Variants in ST6GALNAC3 observed in about 807,000 individuals in gnomAD.
The protein encoded by ST6GALNAC3 is alpha-N-acetylgalactosaminide alpha-2,6-sialyltransferase 3.
In ST6GALNAC3, 25 loss-of-function variants were observed where a neutral mutation model predicts 32.7. The observed-to-expected ratio is 0.76, with a 90% CI of 0.56 to 1.07. The LOEUF (loss-of-function observed/expected upper bound fraction) is 1.07. Among genes scored for constraint, ST6GALNAC3 ranks in the 50% least tolerant of loss-of-function variants. The probability of loss-of-function intolerance (pLI) is 0.00; values close to 1 mark genes in which losing one functional copy is unlikely to be tolerated. For synonymous variants in ST6GALNAC3, 129 were observed against 133.1 expected (o/e 0.97, Z 0.21); for missense variants, 355 against 382.4 (o/e 0.93, Z 0.60).
intron 3 of ST6GALNAC3, among the ~76,000 whole-genome samples, chr1:76,418,894 A>T (rs1213934997): frequency 6.6e-6 from 1 of 151,994 alleles, no homozygotes; most frequent in African/African-American, 2.4e-5. Flanking sequence ...GACCTACATT[A>T]GGCCTCCTCT....
At chr1:76,083,532 G>A (rs1214690145) in intron 1 of ST6GALNAC3, among the ~76,000 whole-genome samples, 1 of 152,206 alleles carries the variant, frequency 6.6e-6, no homozygotes, top group Non-Finnish European at 1.5e-5. Context: ...GTCCCATCCT[G>A]GCTTTGTGAT....
At chr1:76,514,143 C>CTT (rs1303644359) in intron 3 of ST6GALNAC3, among the ~76,000 whole-genome samples, 1 of 152,022 alleles carries the variant, frequency 6.6e-6, no homozygotes, top group Non-Finnish European at 1.5e-5. Flanking sequence ...AATTGCATGC[C>CTT]TTTTATTTCT....
rs539094686 is a variant in ST6GALNAC3 at position 76,283,691 on chromosome 1, T to C, written c.19-30114T>C. On this transcript the variant is annotated intron_variant, in intron 1 of 4. Transcript: ENST00000328299. ...ATCAGATTACTTTTCTATGCAACAA[T>C]GCTCTGTTTTTCCTAAGTTTCCTAT... Among the ~76,000 whole-genome samples the C allele has an allele frequency of 7.2e-5, 11 of 152,360 alleles. No individual in the cohort carries two copies. In the South Asian group the frequency reaches 2.1e-3, roughly 29 times the overall value.
At chr1:76,486,421 A>G (rs545679949) in intron 3 of ST6GALNAC3, among the ~76,000 whole-genome samples, 19 of 152,298 alleles carry the variant, frequency 1.2e-4, no homozygotes, top group African/African-American at 4.6e-4. Context: ...TATTGGGTGC[A>G]TATATATTTA....
intron 1 of ST6GALNAC3, among the ~76,000 whole-genome samples, chr1:76,202,268 A>ATGTGTGTGTG (rs58107501): frequency 0.018 from 2,551 of 145,398 alleles, 24 homozygotes; most frequent in African/African-American, 0.037. Flanking sequence ...GTGTGCATGC[A>ATGTGTGTGTG]TGTGTGTGTG....
intron 1 of ST6GALNAC3, among the ~76,000 whole-genome samples, chr1:76,088,444 A>T (rs576999833): frequency 1.3e-5 from 2 of 152,222 alleles, no homozygotes; most frequent in African/African-American, 4.8e-5. Flanking sequence ...TAAAAAATGT[A>T]TTTGAAGAAT....
chr1:76,209,415 G>T (rs1330910029), intron 1 of ST6GALNAC3, among the ~76,000 whole-genome samples: 1 of 152,200 alleles, frequency 6.6e-6, no homozygotes, highest in African/African-American at 2.4e-5. Context: ...GGCCAAGGGT[G>T]TACTGAATGC....
At chr1:76,252,184 ATGT>A (rs1657658843) in intron 1 of ST6GALNAC3, among the ~76,000 whole-genome samples, 1 of 152,036 alleles carries the variant, frequency 6.6e-6, no homozygotes, top group South Asian at 2.1e-4. Flanking sequence ...CCTGTATACG[ATGT>A]TCGTTTGGAT....
intron 3 of ST6GALNAC3, among the ~76,000 whole-genome samples, chr1:76,473,053 A>G (rs1659135669): frequency 6.6e-6 from 1 of 152,116 alleles, no homozygotes; most frequent in African/African-American, 2.4e-5. Context: ...TCTAAGGCTG[A>G]GGCTAAAGTG....
At chr1:76,168,884 A>G (rs941383438) in intron 1 of ST6GALNAC3, among the ~76,000 whole-genome samples, 1 of 152,038 alleles carries the variant, frequency 6.6e-6, no homozygotes, top group East Asian at 1.9e-4. Flanking sequence ...CAGCATATCA[A>G]TGAGTCTTGG....
chr1:76,481,344 C>T (rs1350717671), intron 3 of ST6GALNAC3, among the ~76,000 whole-genome samples: 4 of 152,146 alleles, frequency 2.6e-5, no homozygotes, highest in Admixed American at 2.6e-4. Flanking sequence ...TTTCAACAAA[C>T]TCTAACTTGA....
chr1:76,490,662 T>C (rs1660440335), intron 3 of ST6GALNAC3, among the ~76,000 whole-genome samples: 1 of 151,762 alleles, frequency 6.6e-6, no homozygotes, highest in African/African-American at 2.4e-5. Flanking sequence ...GCTTTTCTAA[T>C]ATCTCTTGGA....
chr1:76,601,233 G>A (rs1246023083), intron 3 of ST6GALNAC3, among the ~76,000 whole-genome samples: 2 of 151,874 alleles, frequency 1.3e-5, no homozygotes, highest in African/African-American at 4.8e-5. Context: ...AGAAAGGAAG[G>A]AAAGTATTCT....
intron 3 of ST6GALNAC3, among the ~76,000 whole-genome samples, chr1:76,426,422 T>C (rs534628494): frequency 2.9e-4 from 44 of 151,868 alleles, no homozygotes; most frequent in African/African-American, 9.9e-4. Context: ...TCTTCCACCT[T>C]CACATCTTGT....
intron 1 of ST6GALNAC3, among the ~76,000 whole-genome samples, chr1:76,103,106 G>GTT (rs1158505318): frequency 8.1e-5 from 11 of 136,170 alleles, no homozygotes; most frequent in Non-Finnish European, 1.3e-4. Flanking sequence ...CTGATTTTTA[G>GTT]TTTTTTTTTT....
rs576312209 is a variant in ST6GALNAC3 at position 76,534,896 on chromosome 1, C to T, written c.624-92556C>T. The stretch of plus-strand genomic sequence containing the variant: ...GGTCAGGATACCTATGTTCTAGTTT[C>T]TAGTTTGCTGCCAACTAGATTGTGT... On this transcript the variant is annotated intron_variant, in intron 3 of 4. Coordinates refer to ENST00000328299, the MANE Select transcript of ST6GALNAC3 (RefSeq NM_152996.4). Among the ~76,000 whole-genome samples, 6 of 152,256 alleles carry T rather than the reference C, an allele frequency of 3.9e-5. No individual in the cohort carries two copies. In the South Asian group the frequency reaches 1.2e-3, roughly 32 times the overall value.
chr1:76,452,616 C>T (rs1191494291), intron 3 of ST6GALNAC3, among the ~76,000 whole-genome samples: 1 of 152,188 alleles, frequency 6.6e-6, no homozygotes, highest in Non-Finnish European at 1.5e-5. Flanking sequence ...CCCTGCATCC[C>T]TGGTATGGAA....
chr1:76,548,735 G>C (rs1263475036), intron 3 of ST6GALNAC3, among the ~76,000 whole-genome samples: 1 of 152,130 alleles, frequency 6.6e-6, no homozygotes, highest in Non-Finnish European at 1.5e-5. Context: ...CTTTTAGGCA[G>C]CCAAACTTCA....
chr1:76,197,798 T>C (rs1654290761), intron 1 of ST6GALNAC3, among the ~76,000 whole-genome samples: 1 of 152,158 alleles, frequency 6.6e-6, no homozygotes, highest in South Asian at 2.1e-4. Flanking sequence ...CATTTTGGGC[T>C]GGATAATTCT....
Sources: gnomAD v4.1 joint callset for allele counts (sites outside exome capture counted in the v4.1 genomes callset) on GRCh38, gnomAD v4.1.1 for gene constraint, MANE v1.5 for transcripts, NCBI Gene and HGNC (gene_info 2026-07-23, HGNC 2026-07-21) for gene names.